LDLRAD4: variants seen among roughly 807,000 people sequenced by gnomAD.
LDLRAD4 encodes the protein low density lipoprotein receptor class A domain containing 4, also known as low-density lipoprotein receptor class A domain-containing protein 4.
A neutral mutation model predicts 17.0 loss-of-function variants in LDLRAD4; 5 were observed. That is an observed-to-expected ratio of 0.29 (90% CI 0.15 to 0.62). The LOEUF (loss-of-function observed/expected upper bound fraction) is 0.62, where lower values mean the gene tolerates loss of function less well. Among genes scored for constraint, LDLRAD4 ranks in the 20% least tolerant of loss-of-function variants. The pLI is 0.84. For synonymous variants in LDLRAD4, 168 were observed against 171.8 expected, an observed-to-expected ratio of 0.98 and a Z score of 0.17; for missense variants, 340 against 424.7, an observed-to-expected ratio of 0.80 and a Z score of 1.75.
At chr18:13,558,747 A>T (rs1316003792) in intron 3 of LDLRAD4, among the ~76,000 whole-genome samples, 3 of 152,248 alleles carry the variant, frequency 2.0e-5, no homozygotes, top group Admixed American at 1.3e-4. Context: ...GAAAAATTTT[A>T]AAAAGTATGA....
intron 1 of LDLRAD4, among the ~76,000 whole-genome samples, chr18:13,370,301 C>T (rs888901697): frequency 5.9e-5 from 9 of 152,122 alleles, no homozygotes; most frequent in South Asian, 4.1e-4. Flanking sequence ...GGTTGCAATC[C>T]GAAGTTTGGA....
intron 1 of LDLRAD4, among the ~76,000 whole-genome samples, chr18:13,374,327 C>T (rs565633114): frequency 4.0e-4 from 61 of 152,312 alleles, no homozygotes; most frequent in African/African-American, 9.6e-4. Flanking sequence ...TGCAGGCTGC[C>T]GATGGGAGCA....
At chr18:13,328,436 A>G (rs1599445985) in intron 1 of LDLRAD4, among the ~76,000 whole-genome samples, 1 of 152,008 alleles carries the variant, frequency 6.6e-6, no homozygotes, top group Non-Finnish European at 1.5e-5. Context: ...TATTCTTCCC[A>G]CCCTTGAAGT....
chr18:13,364,548 T>G (rs757791372), intron 1 of LDLRAD4, among the ~76,000 whole-genome samples: 1 of 152,102 alleles, frequency 6.6e-6, no homozygotes, highest in Non-Finnish European at 1.5e-5. Context: ...CACTGTGTTG[T>G]CTAGGCTGGT....
At chr18:13,515,669 TAATA>T (rs1311620484) in intron 3 of LDLRAD4, 8 of 152,362 alleles carry the variant, frequency 5.3e-5, no homozygotes, top group South Asian at 2.1e-4. Flanking sequence ...TTTAAGGACC[TAATA>T]AATAAGTCAG....
intron 3 of LDLRAD4, among the ~76,000 whole-genome samples, chr18:13,469,131 A>G (rs1325332531): frequency 1.3e-5 from 2 of 152,232 alleles, no homozygotes; most frequent in Non-Finnish European, 2.9e-5. Context: ...AAATGAAAAC[A>G]TACCAAGTAT....
intron 4 of LDLRAD4, among the ~76,000 whole-genome samples, chr18:13,634,760 T>C (rs548042836): frequency 1.4e-5 from 2 of 146,008 alleles, no homozygotes; most frequent in African/African-American, 5.1e-5. Context: ...ACCCTAAATA[T>C]CCACAATAAT....
intron 1 of LDLRAD4, among the ~76,000 whole-genome samples, chr18:13,311,257 C>T (rs938160912): frequency 3.9e-5 from 6 of 152,262 alleles, no homozygotes; most frequent in East Asian, 1.9e-4. Flanking sequence ...AAAAGCCAGA[C>T]AGGGACTGAC....
intron 2 of LDLRAD4, among the ~76,000 whole-genome samples, chr18:13,389,459 C>A (rs1205946523): frequency 6.6e-6 from 1 of 152,156 alleles, no homozygotes; most frequent in African/African-American, 2.4e-5. Context: ...TCCCCACACC[C>A]CAGGAGGCAG....
intron 1 of LDLRAD4, among the ~76,000 whole-genome samples, chr18:13,376,149 C>G (rs1440739782): frequency 2.0e-5 from 3 of 152,150 alleles, no homozygotes; most frequent in Non-Finnish European, 2.9e-5. Context: ...CCCTGCCTGT[C>G]CTCCCAGGCT....
At chr18:13,493,982 G>C (rs1337205640) in intron 3 of LDLRAD4, among the ~76,000 whole-genome samples, 1 of 152,228 alleles carries the variant, frequency 6.6e-6, no homozygotes, top group Non-Finnish European at 1.5e-5. Flanking sequence ...GCATGGTGAC[G>C]CGGTGCCGCA....
At chr18:13,356,432 A>G (rs1027899532) in intron 1 of LDLRAD4, among the ~76,000 whole-genome samples, 1 of 152,278 alleles carries the variant, frequency 6.6e-6, no homozygotes, top group East Asian at 1.9e-4. Context: ...TATTTTTAGT[A>G]TCTATTTTAT....
chr18:13,612,796 AT>A, intron 3 of LDLRAD4: 2 of 1,613,772 alleles, frequency 1.2e-6, no homozygotes, highest in Non-Finnish European at 1.7e-6. Context: ...AAGAACTGCT[AT>A]GGATGATGCA....
intron 1 of LDLRAD4, among the ~76,000 whole-genome samples, chr18:13,259,613 T>C (rs977091739): frequency 4.6e-5 from 7 of 152,154 alleles, no homozygotes; most frequent in Non-Finnish European, 8.8e-5. Flanking sequence ...AAAGCATACA[T>C]TGGTATGTGG....
chr18:13,473,073 C>A (rs955346065), intron 3 of LDLRAD4, among the ~76,000 whole-genome samples: 13 of 151,936 alleles, frequency 8.6e-5, no homozygotes, highest in Non-Finnish European at 1.9e-4. Flanking sequence ...GAGAACCCCC[C>A]GCCCCCGCCT....
chr18:13,504,495 T>C (rs902528429), intron 3 of LDLRAD4, among the ~76,000 whole-genome samples: 1 of 152,234 alleles, frequency 6.6e-6, no homozygotes, highest in Non-Finnish European at 1.5e-5. Context: ...TGGCACGATC[T>C]CAGCTCACTG....
At chr18:13,386,080 A>T (rs994738717) in intron 1 of LDLRAD4, among the ~76,000 whole-genome samples, 21 of 152,214 alleles carry the variant, frequency 1.4e-4, no homozygotes, top group African/African-American at 5.1e-4. Flanking sequence ...CATGTGATTA[A>T]CAGAGGGCTC....
rs932574306 is a variant in LDLRAD4, at chr18:13,367,616, G to T, written c.-382-19725G>T. Among the ~76,000 whole-genome samples, 1 of 152,230 alleles carries T rather than the reference G, an allele frequency of 6.6e-6. No homozygotes were observed. The highest frequency in any genetic ancestry group is 1.5e-5 in the Non-Finnish European group (1 of 68,034). On this transcript the variant is annotated intron_variant, in intron 1 of 5. Coordinates refer to ENST00000359446, the Ensembl canonical transcript of LDLRAD4. This position sits in a 1 kb window ranked among gnomAD's most constrained non-coding sequence, Gnocchi z 4.1. The stretch of plus-strand genomic sequence containing the variant: ...TGCAGGCCACTCAGTGGCTGAGAGG[G>T]TGGGCAAGCAGCTGCAGGGCCAGGT...
chr18:13,333,641 C>A (rs2081972189), intron 1 of LDLRAD4, among the ~76,000 whole-genome samples: 1 of 152,194 alleles, frequency 6.6e-6, no homozygotes, highest in Non-Finnish European at 1.5e-5. Context: ...CTAGTAGTTC[C>A]AGCACGATTT....
Sources: gnomAD v4.1 joint callset for allele counts (sites outside exome capture counted in the v4.1 genomes callset) on GRCh38, gnomAD v4.1.1 for gene constraint, Gnocchi (gnomAD v3.1) non-coding constraint, MANE v1.5 for transcripts, NCBI Gene and HGNC (gene_info 2026-07-23, HGNC 2026-07-21) for gene names.